ILRUN: variants seen among roughly 807,000 people sequenced by gnomAD.
ILRUN encodes the protein inflammation and lipid regulator with UBA-like and NBR1-like domains.
Under a neutral mutation model 33.8 loss-of-function variants are expected in ILRUN, and 3 were observed. The ratio of observed to expected loss-of-function variants is 0.09; its 90% CI spans 0.04 to 0.23. The LOEUF is 0.23. Among genes scored for constraint, ILRUN ranks in the 10% least tolerant of loss-of-function variants. The pLI, the probability that ILRUN is intolerant of heterozygous loss-of-function variation, is 1.00. For missense variants in ILRUN, 210 were observed against 375.1 expected (o/e 0.56, Z 3.64); for synonymous variants, 124 against 138.9 (o/e 0.89, Z 0.75).
chr6:34,638,442 T>C (rs1471015719), intron 3 of ILRUN, among the ~76,000 whole-genome samples: 2 of 152,152 alleles, frequency 1.3e-5, no homozygotes, highest in African/African-American at 2.4e-5. Context: ...GGCAGGTTGC[T>C]GTGGCTCATG....
rs1447540186 is a variant in ILRUN, at chr6:34,646,286, G to C, written c.511+315C>G. 6.6e-6 allele frequency among the ~76,000 whole-genome samples: 1 copy of C among 152,146 alleles called. No homozygotes were observed. The highest frequency in any genetic ancestry group is 2.4e-5 in the African/African-American group (1 of 41,426). On this transcript the variant is annotated intron_variant, in intron 3 of 4. Coordinates refer to ENST00000374023, the MANE Select transcript of ILRUN (RefSeq NM_024294.4). This position sits in a 1 kb window ranked among gnomAD's most constrained non-coding sequence, Gnocchi z 4.9. ...TATGACTTGTGTCTAGAGACTTTGA[G>C]AACAAGGACTGCCTTTAGTATTCTT...
intron 4 of ILRUN, among the ~76,000 whole-genome samples, chr6:34,593,989 C>A (rs1237193941): frequency 1.3e-5 from 2 of 152,118 alleles, no homozygotes; most frequent in Admixed American, 6.5e-5. Context: ...GGAGGCCCAT[C>A]CACATTTCAG....
intron 1 of ILRUN, among the ~76,000 whole-genome samples, chr6:34,662,722 G>A (rs556967979): frequency 6.6e-6 from 1 of 152,156 alleles, no homozygotes. Context: ...AAAGAATCCT[G>A]GAGATTGTTT....
At chr6:34,665,351 C>A (rs192106647) in intron 1 of ILRUN, among the ~76,000 whole-genome samples, 1 of 151,180 alleles carries the variant, frequency 6.6e-6, no homozygotes, top group Non-Finnish European at 1.5e-5. Context: ...GTAGTCCCAG[C>A]TACTCGGAAG....
chr6:34,636,121 G>A (rs1465507923), intron 3 of ILRUN, among the ~76,000 whole-genome samples: 2 of 152,110 alleles, frequency 1.3e-5, no homozygotes, highest in Non-Finnish European at 2.9e-5. Flanking sequence ...TATTAGCCAG[G>A]TAGGTAGTCC....
chr6:34,659,618 C>CTTTTTT (rs985939505), intron 1 of ILRUN, among the ~76,000 whole-genome samples: 3 of 91,478 alleles, frequency 3.3e-5, no homozygotes, highest in African/African-American at 4.6e-5. Flanking sequence ...ATAAGGCAGT[C>CTTTTTT]TTTTTTTTTT....
At chr6:34,652,985 T>C (rs1412850673) in intron 2 of ILRUN, among the ~76,000 whole-genome samples, 1 of 151,518 alleles carries the variant, frequency 6.6e-6, no homozygotes, top group Non-Finnish European at 1.5e-5. Flanking sequence ...CTACAAAAAC[T>C]TTAAAAAATT....
At chr6:34,633,482 C>T (rs1762288101) in intron 3 of ILRUN, among the ~76,000 whole-genome samples, 1 of 152,146 alleles carries the variant, frequency 6.6e-6, no homozygotes, top group African/African-American at 2.4e-5. Flanking sequence ...AATACACATG[C>T]TTTTGAAGTA....
chr6:34,612,394 A>T, intron 3 of ILRUN, among the ~76,000 whole-genome samples: 1 of 152,176 alleles, frequency 6.6e-6, no homozygotes, highest in Non-Finnish European at 1.5e-5. Context: ...CAGCCTGGGC[A>T]ACAGTGAGAC....
chr6:34,619,989 A>AG (rs1344733825), intron 3 of ILRUN, among the ~76,000 whole-genome samples: 2 of 151,084 alleles, frequency 1.3e-5, no homozygotes, highest in Non-Finnish European at 3.0e-5. Context: ...TGTCTCCAAA[A>AG]AAAAAAAAAA....
intron 1 of ILRUN, 116 bp from the exon 2 acceptor site, chr6:34,654,895 G>A: frequency 1.1e-6 from 1 of 944,862 alleles, no homozygotes; most frequent in East Asian, 2.7e-5. Flanking sequence ...GAGGCTCCTG[G>A]TATACACGTC....
At chr6:34,634,161 C>A (rs1248022113) in intron 3 of ILRUN, among the ~76,000 whole-genome samples, 1 of 151,914 alleles carries the variant, frequency 6.6e-6, no homozygotes, top group Non-Finnish European at 1.5e-5. Context: ...ATAAAAATTT[C>A]CAAACGTTTG....
At position 34,640,695 on chromosome 6, in the gene ILRUN, C is replaced by T. The variant is rs367660682; in HGVS notation, c.511+5906G>A. On this transcript the variant is annotated intron_variant, in intron 3 of 4. Coordinates refer to ENST00000374023, the MANE Select transcript of ILRUN (RefSeq NM_024294.4). ...ACTGCACTCCAGGCTGGTGACAGAG[C>T]GAGACTCCGTCTCAAATAAATGAAT... is the stretch of plus-strand genomic sequence containing the variant. Among the ~76,000 whole-genome samples the T allele has an allele frequency of 9.4e-5, 14 of 148,414 alleles. No homozygotes were observed. The East Asian group carries it at 2.5e-3, about 26-fold the overall frequency.
In ILRUN at chr6:34,598,422, T is replaced by C. The variant is rs147663221; in HGVS notation, c.862-7822A>G. ...TGAGCATCTATACCAGGAGCCATTC[T>C]TACACTTTTGAATTATACTTTATCT... is the stretch of plus-strand genomic sequence containing the variant. On this transcript the variant is annotated intron_variant, in intron 4 of 4. Transcript: ENST00000374023. 1.8e-4 allele frequency among the ~76,000 whole-genome samples: 27 copies of C among 152,348 alleles called. No homozygotes were observed. In the East Asian group the frequency reaches 5.0e-3, roughly 28 times the overall value.
At chr6:34,690,856 G>A (rs538988266) in intron 1 of ILRUN, among the ~76,000 whole-genome samples, 1 of 152,244 alleles carries the variant, frequency 6.6e-6, no homozygotes, top group South Asian at 2.1e-4. Context: ...TGCCCGTAGG[G>A]ATACAAGAAT....
chr6:34,630,628 C>T (rs764950223), intron 3 of ILRUN, among the ~76,000 whole-genome samples: 42 of 152,164 alleles, frequency 2.8e-4, no homozygotes, highest in Non-Finnish European at 5.7e-4. Context: ...GTGATCCGCC[C>T]GCCTTGGCCT....
chr6:34,595,194 T>C (rs1761375582), intron 4 of ILRUN, among the ~76,000 whole-genome samples: 1 of 152,250 alleles, frequency 6.6e-6, no homozygotes, highest in Non-Finnish European at 1.5e-5. Context: ...GTTGTGTCTG[T>C]CAAATAGCAA....
chr6:34,653,798 C>T (rs998766147), intron 2 of ILRUN, among the ~76,000 whole-genome samples: 7 of 151,820 alleles, frequency 4.6e-5, no homozygotes, highest in African/African-American at 1.2e-4. Flanking sequence ...CACAGGAAGA[C>T]TCCATCTCTA....
rs145665091 is a variant in ILRUN, at chr6:34,594,701, G to C, written c.862-4101C>G. On this transcript the variant is annotated intron_variant, in intron 4 of 4. Transcript: ENST00000374023. ...CAGGCAAGCCTTCTTAAAGCGCAGA[G>C]GCTCCACAGTCATTAGCTAAGGCAG... Among the ~76,000 whole-genome samples the C allele has an allele frequency of 2.7e-3, 411 of 152,302 alleles. 4 individuals are homozygous for C. Among genetic ancestry groups the C allele is most frequent in the African/African-American group, 9.4e-3 (390 of 41,560 alleles).
Sources: gnomAD v4.1 joint callset for allele counts (sites outside exome capture counted in the v4.1 genomes callset) on GRCh38, gnomAD v4.1.1 for gene constraint, Gnocchi (gnomAD v3.1) non-coding constraint, MANE v1.5 for transcripts, NCBI Gene and HGNC (gene_info 2026-07-23, HGNC 2026-07-21) for gene names.